Variants in GALNT18 observed in about 807,000 individuals in gnomAD.
GALNT18 encodes the protein polypeptide N-acetylgalactosaminyltransferase 18, also known as GalNAc-transferase 18.
A neutral mutation model predicts 69.5 loss-of-function variants in GALNT18; 44 were observed. The observed-to-expected ratio is 0.63, with a 90% confidence interval of 0.50 to 0.81. GALNT18 has a LOEUF of 0.81. GALNT18 is among the 40% of genes least tolerant of loss of function. The pLI is 0.00. For synonymous variants in GALNT18, 364 were observed against 318.2 expected, an observed-to-expected ratio of 1.14 and a Z score of -1.53; for missense variants, 715 against 810.0, an observed-to-expected ratio of 0.88 and a Z score of 1.42.
chr11:11,561,474 C>T (rs1858504193), intron 1 of GALNT18, among the ~76,000 whole-genome samples: 1 of 152,180 alleles, frequency 6.6e-6, no homozygotes, highest in Non-Finnish European at 1.5e-5. Flanking sequence ...CTCAGTTTCC[C>T]AGTCTGCAAA....
chr11:11,474,322 G>C (rs1352618128), intron 1 of GALNT18, among the ~76,000 whole-genome samples: 1 of 152,160 alleles, frequency 6.6e-6, no homozygotes, highest in African/African-American at 2.4e-5. Flanking sequence ...GAACTCAGGG[G>C]GCTCAAAGAA....
At chr11:11,452,546 A>G (rs1855827046) in intron 1 of GALNT18, among the ~76,000 whole-genome samples, 1 of 152,332 alleles carries the variant, frequency 6.6e-6, no homozygotes, top group East Asian at 1.9e-4. Flanking sequence ...GCCCCACATG[A>G]AGGCTTTCCA....
chr11:11,547,880 C>T (rs1426770598), intron 1 of GALNT18, among the ~76,000 whole-genome samples: 1 of 152,200 alleles, frequency 6.6e-6, no homozygotes, highest in Non-Finnish European at 1.5e-5. Context: ...TATGTATGCT[C>T]TATCTACCAT....
intron 1 of GALNT18, among the ~76,000 whole-genome samples, chr11:11,567,247 C>A (rs1043593971): frequency 6.6e-6 from 1 of 152,172 alleles, no homozygotes; most frequent in African/African-American, 2.4e-5. Flanking sequence ...TTAGCAGCAA[C>A]ACTTTTCCTA....
rs911342078 is a variant in GALNT18, at chr11:11,470,487, G to A, written c.236-21551C>T. On this transcript the variant is annotated intron_variant, in intron 1 of 10. Coordinates refer to ENST00000227756, the MANE Select transcript of GALNT18 (RefSeq NM_198516.3). This position sits in a 1 kb window ranked among gnomAD's most constrained non-coding sequence, Gnocchi z 4.8. ...GGAAGGCGCTATCCTCCACGCAGTCGGCTAGGCAAGTGAGCATGCTGTAGA... is the reference window on the plus strand; with the variant it reads ...GGAAGGCGCTATCCTCCACGCAGTCAGCTAGGCAAGTGAGCATGCTGTAGA... Among the ~76,000 whole-genome samples, 4 of 152,132 alleles carry A rather than the reference G, an allele frequency of 2.6e-5. No homozygotes were observed. The highest frequency in any genetic ancestry group is 5.9e-5 in the Non-Finnish European group (4 of 68,038).
At chr11:11,286,230 A>G (rs1413087098) in intron 10 of GALNT18, among the ~76,000 whole-genome samples, 2 of 152,176 alleles carry the variant, frequency 1.3e-5, no homozygotes, top group African/African-American at 4.8e-5. Context: ...TTTTAAAAAT[A>G]CTCATTTAAA....
intron 3 of GALNT18, among the ~76,000 whole-genome samples, chr11:11,384,673 T>A (rs1854006536): frequency 6.6e-6 from 1 of 152,142 alleles, no homozygotes; most frequent in Non-Finnish European, 1.5e-5. Flanking sequence ...TTCTGCCATG[T>A]GAGGATGAGA....
Position 11,541,984 on chromosome 11 carries a change from C to G in GALNT18, c.235+79375G>C, listed in dbSNP as rs1008997397. Among the ~76,000 whole-genome samples, 1 of 152,130 alleles carries G rather than the reference C, an allele frequency of 6.6e-6. No homozygotes were observed. The highest frequency in any genetic ancestry group is 1.9e-4 in the East Asian group (1 of 5,174). Reference sequence around the variant, plus strand: ...CCAAACCCAGGAGGAGCTTCACCCCCACCCTTCAGAAGACCCCAGAGACCC... The same window carrying G: ...CCAAACCCAGGAGGAGCTTCACCCCGACCCTTCAGAAGACCCCAGAGACCC... On this transcript the variant is annotated intron_variant, in intron 1 of 10. Coordinates refer to ENST00000227756, the MANE Select transcript of GALNT18 (RefSeq NM_198516.3). This position sits in a 1 kb window ranked among gnomAD's most constrained non-coding sequence, Gnocchi z 4.8.
Position 11,540,774 on chromosome 11 carries a change from A to G in GALNT18, c.235+80585T>C, listed in dbSNP as rs1176329463. 6.6e-6 allele frequency among the ~76,000 whole-genome samples: 1 copy of G among 152,220 alleles called. No homozygotes were observed. The highest frequency in any genetic ancestry group is 2.4e-5 in the African/African-American group (1 of 41,448). The stretch of plus-strand genomic sequence containing the variant: ...CTGATCACAGCAATACGTTAGACTC[A>G]GTGGAAATGTGTGTCAGACACCAGG... On this transcript the variant is annotated intron_variant, in intron 1 of 10. Transcript: ENST00000227756. The surrounding 1 kb of genome is among the most constrained non-coding windows in gnomAD (Gnocchi z 4.6).
rs11351706 is a variant in GALNT18, at chr11:11,337,961, A to ATTTTTTTT, written c.1278+2850_1278+2857dup. Among the ~76,000 whole-genome samples the ATTTTTTTT allele has an allele frequency of 1.7e-5, 2 of 118,822 alleles. No homozygotes were observed. The highest frequency in any genetic ancestry group is 6.6e-5 in the African/African-American group (2 of 30,458). The allele number at this position is 118,822 out of a possible 152,430, so 78.0% of individuals were successfully genotyped here. A position where few individuals can be genotyped will look rare whatever the true frequency, so the allele number is the denominator to read the frequency against. Reference sequence around the variant, plus strand: ...TGTACATAGCAGGAGTCATTTAAAGATTTTTTTTTTTTTTTTTTTTTTGAG... The same window carrying ATTTTTTTT: ...TGTACATAGCAGGAGTCATTTAAAGATTTTTTTTTTTTTTTTTTTTTTTTTTTTTTGAG... On this transcript the variant is annotated intron_variant, in intron 7 of 10. Transcript: ENST00000227756. The surrounding 1 kb of genome is among the most constrained non-coding windows in gnomAD (Gnocchi z 4.9).
At chr11:11,295,707 T>C (rs1417301883) in intron 9 of GALNT18, among the ~76,000 whole-genome samples, 2 of 152,154 alleles carry the variant, frequency 1.3e-5, no homozygotes, top group East Asian at 1.9e-4. Context: ...ATCTGCTCTC[T>C]GTGGTCACTT....
chr11:11,412,733 A>G (rs1474696995), intron 3 of GALNT18, among the ~76,000 whole-genome samples: 1 of 152,220 alleles, frequency 6.6e-6, no homozygotes, highest in Non-Finnish European at 1.5e-5. Context: ...TTGATGCCCA[A>G]CTGATATCCT....
At chr11:11,522,554 C>A (rs1857424287) in intron 1 of GALNT18, among the ~76,000 whole-genome samples, 1 of 152,188 alleles carries the variant, frequency 6.6e-6, no homozygotes, top group Non-Finnish European at 1.5e-5. Context: ...CTCAGCTCAA[C>A]AAGCAGAGGG....
At chr11:11,489,120 T>C (rs888800623) in intron 1 of GALNT18, among the ~76,000 whole-genome samples, 1 of 152,230 alleles carries the variant, frequency 6.6e-6, no homozygotes, top group African/African-American at 2.4e-5. Flanking sequence ...CATCAGTAGC[T>C]AACATTTTTT....
At position 11,470,844 on chromosome 11, in the gene GALNT18, T is replaced by C. The variant is rs977672230; in HGVS notation, c.236-21908A>G. ...TGCATTCTTAGCCTCTGACCATCTGTGGCCCCAGGACACTACTGTGCTCAG... is the reference window on the plus strand; with the variant it reads ...TGCATTCTTAGCCTCTGACCATCTGCGGCCCCAGGACACTACTGTGCTCAG... On this transcript the variant is annotated intron_variant, in intron 1 of 10. Coordinates refer to ENST00000227756, the MANE Select transcript of GALNT18 (RefSeq NM_198516.3). The surrounding 1 kb of genome is among the most constrained non-coding windows in gnomAD (Gnocchi z 4.8). Among the ~76,000 whole-genome samples the C allele has an allele frequency of 1.8e-4, 28 of 152,162 alleles. No homozygotes were observed. Among genetic ancestry groups the C allele is most frequent in the Non-Finnish European group, 3.2e-4 (22 of 68,030 alleles).
At chr11:11,552,205 G>T (rs1352357961) in intron 1 of GALNT18, among the ~76,000 whole-genome samples, 1 of 152,176 alleles carries the variant, frequency 6.6e-6, no homozygotes, top group South Asian at 2.1e-4. Context: ...AAGAGGCAGG[G>T]TTTCCAGGCA....
chr11:11,612,313 T>C (rs1218768313), intron 1 of GALNT18, among the ~76,000 whole-genome samples: 1 of 152,248 alleles, frequency 6.6e-6, no homozygotes, highest in African/African-American at 2.4e-5. Flanking sequence ...GTCCCTGACC[T>C]GCTAGCATAC....
intron 1 of GALNT18, among the ~76,000 whole-genome samples, chr11:11,615,943 A>G (rs946798050): frequency 6.6e-6 from 1 of 152,212 alleles, no homozygotes; most frequent in Non-Finnish European, 1.5e-5. Flanking sequence ...TTATGTATCA[A>G]AAAAATTTGT....
At chr11:11,293,743 T>C (rs999957001) in intron 9 of GALNT18, among the ~76,000 whole-genome samples, 2 of 152,120 alleles carry the variant, frequency 1.3e-5, no homozygotes, top group Admixed American at 6.5e-5. Context: ...GGTTTCACCA[T>C]GTTGGTCAGG....
Sources: gnomAD v4.1 joint callset for allele counts (sites outside exome capture counted in the v4.1 genomes callset) on GRCh38, gnomAD v4.1.1 for gene constraint, Gnocchi (gnomAD v3.1) non-coding constraint, MANE v1.5 for transcripts, NCBI Gene and HGNC (gene_info 2026-07-23, HGNC 2026-07-21) for gene names.